Variants in SOX5 observed in about 807,000 individuals in gnomAD.
The protein encoded by SOX5 is transcription factor SOX-5.
A neutral mutation model predicts 92.0 loss-of-function variants in SOX5; 9 were observed. The ratio of observed to expected loss-of-function variants is 0.10; its 90% confidence interval spans 0.06 to 0.17. The LOEUF (loss-of-function observed/expected upper bound fraction) is 0.17, where lower values mean the gene tolerates loss of function less well. Among genes scored for constraint, SOX5 ranks in the 10% least tolerant of loss-of-function variants. The pLI, the probability that SOX5 is intolerant of heterozygous loss-of-function variation, is 1.00. For missense variants in SOX5, 642 were observed against 944.5 expected (o/e 0.68, Z 4.20); for synonymous variants, 344 against 336.3 (o/e 1.02, Z -0.25).
At chr12:24,076,044 C>T (rs948165334) in intron 4 of SOX5, among the ~76,000 whole-genome samples, 1 of 152,062 alleles carries the variant, frequency 6.6e-6, no homozygotes, top group Non-Finnish European at 1.5e-5. Flanking sequence ...TAACTTTCGC[C>T]CCATTGGTTT....
At chr12:23,883,440 T>C (rs914599941) in intron 2 of SOX5, among the ~76,000 whole-genome samples, 3 of 152,208 alleles carry the variant, frequency 2.0e-5, no homozygotes, top group African/African-American at 7.2e-5. Context: ...TAAATAATCA[T>C]AATTAGTAAA....
At chr12:24,545,685 TGCTGTGGTGC>T (rs1952558478) in intron 1 of SOX5, among the ~76,000 whole-genome samples, 1 of 152,228 alleles carries the variant, frequency 6.6e-6, no homozygotes, top group Admixed American at 6.5e-5. Flanking sequence ...TTGTAGTGGA[TGCTGTGGTGC>T]GCTGCCCAGC....
At chr12:23,587,250 T>G (rs1950882970) in intron 9 of SOX5, among the ~76,000 whole-genome samples, 1 of 151,962 alleles carries the variant, frequency 6.6e-6, no homozygotes. Context: ...TAACAAAACA[T>G]CTCCATATAT....
chr12:24,561,380 C>T (rs994549216), intron 1 of SOX5, among the ~76,000 whole-genome samples: 1 of 152,170 alleles, frequency 6.6e-6, no homozygotes, highest in African/African-American at 2.4e-5. Flanking sequence ...TTAATATAGT[C>T]GCTTTGCAAA....
At chr12:24,429,156 A>T (rs566303792) in intron 1 of SOX5, among the ~76,000 whole-genome samples, 18 of 152,022 alleles carry the variant, frequency 1.2e-4, no homozygotes, top group Non-Finnish European at 1.9e-4. Flanking sequence ...TCTCTACTAA[A>T]AATACAAAAA....
intron 7 of SOX5, among the ~76,000 whole-genome samples, chr12:23,656,187 A>ATT (rs56680824): frequency 0.14 from 20,555 of 148,870 alleles, 1,579 homozygotes; most frequent in African/African-American, 0.2. Context: ...GTTTCATTGT[A>ATT]TTTTTTTTTT....
chr12:24,121,625 A>T lies in SOX5; in HGVS notation c.-2+91718T>A, dbSNP rs532391041. ...TGAGATGGGCCGGGCGCGGTGGCTCACGCCTGTAATCCCAGCACTTTGAGA... is the reference window on the plus strand; with the variant it reads ...TGAGATGGGCCGGGCGCGGTGGCTCTCGCCTGTAATCCCAGCACTTTGAGA... On this transcript the variant is annotated intron_variant, in intron 4 of 4. Transcript: ENST00000446891. Among the ~76,000 whole-genome samples the T allele has an allele frequency of 3.8e-4, 51 of 134,826 alleles. No individual in the cohort carries two copies. The Middle Eastern group carries it at 0.016, about 42-fold the overall frequency. 88.5% of individuals were successfully genotyped at this position (134,826 alleles called of 152,430 possible). A position where few individuals can be genotyped will look rare whatever the true frequency, so the allele number is the denominator to read the frequency against.
chr12:24,236,031 A>C (rs932999447), intron 3 of SOX5, among the ~76,000 whole-genome samples: 5 of 151,932 alleles, frequency 3.3e-5, no homozygotes, highest in Non-Finnish European at 5.9e-5. Flanking sequence ...CTACTAAAAA[A>C]ACACAAAAAA....
At chr12:24,204,483 C>A (rs1957836914) in intron 4 of SOX5, among the ~76,000 whole-genome samples, 1 of 151,946 alleles carries the variant, frequency 6.6e-6, no homozygotes, top group South Asian at 2.1e-4. Context: ...TGGCCACTAC[C>A]ATGTCTGACT....
At position 24,156,333 on chromosome 12, in the gene SOX5, G is replaced by A. The variant is rs565076436; in HGVS notation, c.-2+57010C>T. Among the ~76,000 whole-genome samples the A allele has an allele frequency of 4.6e-5, 7 of 152,084 alleles. No individual in the cohort carries two copies. The South Asian group carries it at 8.3e-4, about 18-fold the overall frequency. Reference sequence around the variant, plus strand: ...GGCCTCTGCCCTTCCCTGTCCTGCCGCCCCCACCCCTTTACTGGTTTCTCC... The same window carrying A: ...GGCCTCTGCCCTTCCCTGTCCTGCCACCCCCACCCCTTTACTGGTTTCTCC... On this transcript the variant is annotated intron_variant, in intron 4 of 4. Transcript: ENST00000446891.
intron 4 of SOX5, among the ~76,000 whole-genome samples, chr12:24,095,636 C>T (rs1250052361): frequency 6.6e-6 from 1 of 151,990 alleles, no homozygotes; most frequent in African/African-American, 2.4e-5. Flanking sequence ...TATGGTTAGG[C>T]AGTGTGTCCC....
intron 1 of SOX5, among the ~76,000 whole-genome samples, chr12:24,524,340 CATCTATCTATCTATCTATCTATCT>C (rs146131503): frequency 6.9e-6 from 1 of 145,150 alleles, no homozygotes; most frequent in Admixed American, 6.9e-5. Flanking sequence ...AATCCCCTCC[CATCTATCTATCTATCTATCTATCT>C]ATCTATCTAT....
chr12:24,206,541 C>T (rs942943463), intron 4 of SOX5, among the ~76,000 whole-genome samples: 10 of 152,192 alleles, frequency 6.6e-5, no homozygotes, highest in Non-Finnish European at 1.3e-4. Flanking sequence ...CTTGTAATTA[C>T]GCTTACGGAA....
At chr12:24,328,876 A>G (rs1286056232) in intron 2 of SOX5, among the ~76,000 whole-genome samples, 2 of 152,314 alleles carry the variant, frequency 1.3e-5, no homozygotes, top group East Asian at 3.9e-4. Context: ...TTTCAAATTA[A>G]CGTTATTGTT....
At chr12:23,751,781 T>G (rs1346706162) in intron 4 of SOX5, among the ~76,000 whole-genome samples, 1 of 151,894 alleles carries the variant, frequency 6.6e-6, no homozygotes, top group Non-Finnish European at 1.5e-5. Flanking sequence ...TACACAAAAT[T>G]ATAGCCTTGC....
At chr12:23,946,898 C>T (rs554416420) in intron 1 of SOX5, among the ~76,000 whole-genome samples, 118 of 152,002 alleles carry the variant, frequency 7.8e-4, no homozygotes, top group South Asian at 2.3e-3. Context: ...GCACTACCTC[C>T]TGCATATTTT....
intron 2 of SOX5, among the ~76,000 whole-genome samples, chr12:24,349,496 G>A (rs1257858756): frequency 5.9e-5 from 9 of 152,058 alleles, no homozygotes; most frequent in African/African-American, 2.2e-4. Flanking sequence ...GACTGCTTTA[G>A]GTACCCCACA....
intron 3 of SOX5, among the ~76,000 whole-genome samples, chr12:23,774,596 T>C (rs1425283373): frequency 6.6e-6 from 1 of 152,256 alleles, no homozygotes; most frequent in Non-Finnish European, 1.5e-5. Context: ...TTATAGTAAA[T>C]TGTTAATGTC....
chr12:24,505,855 G>A (rs970969827), intron 1 of SOX5, among the ~76,000 whole-genome samples: 9 of 126,924 alleles, frequency 7.1e-5, no homozygotes, highest in African/African-American at 1.4e-4. Flanking sequence ...GTGTGTGTGC[G>A]TGTGTGTGTG....
Sources: gnomAD v4.1 joint callset for allele counts (sites outside exome capture counted in the v4.1 genomes callset) on GRCh38, gnomAD v4.1.1 for gene constraint, MANE v1.5 for transcripts, NCBI Gene and HGNC (gene_info 2026-07-23, HGNC 2026-07-21) for gene names.